Variants in MTA3 observed in about 807,000 individuals in gnomAD.
The protein encoded by MTA3 is metastasis associated 1 family member 3.
A neutral mutation model predicts 83.5 loss-of-function variants in MTA3; 34 were observed. The observed-to-expected ratio is 0.41, with a 90% CI of 0.31 to 0.54. The LOEUF (loss-of-function observed/expected upper bound fraction) is 0.54. Among genes scored for constraint, MTA3 ranks in the 20% least tolerant of loss-of-function variants. The pLI, the probability that MTA3 is intolerant of heterozygous loss-of-function variation, is 0.33. For missense variants in MTA3, 761 were observed against 726.4 expected, an observed-to-expected ratio of 1.05 and a Z score of -0.55; for synonymous variants, 303 against 252.7, an observed-to-expected ratio of 1.20 and a Z score of -1.89.
chr2:42,734,671 GTGTTA>G (rs1189363286), intron 16 of MTA3, among the ~76,000 whole-genome samples: 1 of 151,568 alleles, frequency 6.6e-6, no homozygotes, highest in Non-Finnish European at 1.5e-5. Flanking sequence ...ATTTTCTCTG[GTGTTA>G]TGTTTTAATT....
chr2:42,750,878 A>G (rs1669824680), intron 16 of MTA3, among the ~76,000 whole-genome samples: 1 of 152,218 alleles, frequency 6.6e-6, no homozygotes, highest in Non-Finnish European at 1.5e-5. Flanking sequence ...CTTGGGATCC[A>G]GCTGCTTCTC....
At chr2:42,684,501 A>G (rs928833931) in intron 9 of MTA3, among the ~76,000 whole-genome samples, 4 of 152,212 alleles carry the variant, frequency 2.6e-5, no homozygotes, top group African/African-American at 9.6e-5. Context: ...GCAGCTGAAA[A>G]TTTAAAGTGC....
At chr2:42,552,303 A>G (rs1383824531) in intron 2 of MTA3, among the ~76,000 whole-genome samples, 1 of 152,196 alleles carries the variant, frequency 6.6e-6, no homozygotes, top group African/African-American at 2.4e-5. Context: ...AGAGGTATGA[A>G]TCAGATGGGA....
intron 3 of MTA3, among the ~76,000 whole-genome samples, chr2:42,606,108 G>A (rs1408324044): frequency 3.7e-5 from 5 of 136,446 alleles, no homozygotes; most frequent in Admixed American, 7.0e-5. Context: ...GTGGCTGGCC[G>A]GGCTGAGGGG....
intron 16 of MTA3, among the ~76,000 whole-genome samples, chr2:42,733,079 G>A (rs921173234): frequency 2.0e-5 from 3 of 152,176 alleles, no homozygotes; most frequent in South Asian, 2.1e-4. Flanking sequence ...TTACAAAGTC[G>A]CTTCCACATT....
At chr2:42,752,241 C>G (rs1189456960) in intron 16 of MTA3, 2 of 471,446 alleles carry the variant, frequency 4.2e-6, no homozygotes, top group East Asian at 1.4e-4. Flanking sequence ...TAGAAAAGCT[C>G]ATGAAGTGAA....
chr2:42,562,103 C>T (rs2103802228), intron 2 of MTA3, among the ~76,000 whole-genome samples: 1 of 152,294 alleles, frequency 6.6e-6, no homozygotes, highest in African/African-American at 2.4e-5. Context: ...CTCTGCGTCT[C>T]CCTTCACAGG....
At chr2:42,573,517 T>G (rs1678711751) in intron 2 of MTA3, among the ~76,000 whole-genome samples, 1 of 152,096 alleles carries the variant, frequency 6.6e-6, no homozygotes, top group Non-Finnish European at 1.5e-5. Context: ...TGGCTAATTT[T>G]TTGTTGTTGT....
chr2:42,756,809 C>G lies in MTA3; in HGVS notation c.*3410C>G. ...CCCTGCCAGGGAAGCTAACCCAGAG[C>G]ACGCACCTGTGCTCATGAGTGTTTC... is the stretch of plus-strand genomic sequence containing the variant. On this transcript the variant is annotated 3_prime_UTR_variant, in exon 17 of 17. Coordinates refer to ENST00000405094, the MANE Select transcript of MTA3 (RefSeq NM_001330442.2). 1.0e-6 allele frequency: 1 copy of G among 985,476 alleles called. No individual in the cohort carries two copies. The highest frequency in any genetic ancestry group is 1.7e-5 in the African/African-American group (1 of 57,350). The allele number at this position is 985,476 out of a possible 1,614,324, so 61.0% of individuals were successfully genotyped here. A position where few individuals can be genotyped will look rare whatever the true frequency, so the allele number is the denominator to read the frequency against.
intron 14 of MTA3, chr2:42,712,696 T>C (rs193141303): frequency 8.5e-5 from 13 of 152,294 alleles, no homozygotes; most frequent in Admixed American, 3.3e-4. Context: ...TTCTTAAGAT[T>C]TGTGGCCCAA....
At chr2:42,652,706 T>C (rs1180672367) in intron 6 of MTA3, among the ~76,000 whole-genome samples, 3 of 152,204 alleles carry the variant, frequency 2.0e-5, no homozygotes, top group African/African-American at 7.2e-5. Flanking sequence ...AATTTCTTTA[T>C]ATAAAATCTC....
chr2:42,623,688 G>A (rs970737606), intron 4 of MTA3, among the ~76,000 whole-genome samples: 13 of 148,140 alleles, frequency 8.8e-5, no homozygotes, highest in South Asian at 8.5e-4. Flanking sequence ...TTTCATCTTG[G>A]TAGTTCAGAT....
chr2:42,496,346 T>C (rs1674135252), intron 2 of MTA3, among the ~76,000 whole-genome samples: 1 of 152,166 alleles, frequency 6.6e-6, no homozygotes, highest in African/African-American at 2.4e-5. Context: ...AATACCCAAA[T>C]CGTTTTCTTA....
intron 3 of MTA3, among the ~76,000 whole-genome samples, chr2:42,601,122 G>A (rs1361187924): frequency 1.3e-5 from 2 of 151,872 alleles, no homozygotes; most frequent in African/African-American, 4.8e-5. Flanking sequence ...GTCCAGGATG[G>A]TCTCCATCTC....
intron 4 of MTA3, among the ~76,000 whole-genome samples, chr2:42,630,200 A>G (rs967108391): frequency 2.0e-5 from 3 of 152,222 alleles, no homozygotes; most frequent in African/African-American, 4.8e-5. Flanking sequence ...TTTCGTCAGT[A>G]TCTTGTGCTA....
At chr2:42,554,884 C>G (rs74761184) in intron 2 of MTA3, among the ~76,000 whole-genome samples, 2,096 of 152,226 alleles carry the variant, frequency 0.014, 48 homozygotes, top group African/African-American at 0.047. Flanking sequence ...ACCCTTCTTC[C>G]AGCTGATTAA....
intron 14 of MTA3, among the ~76,000 whole-genome samples, chr2:42,711,815 T>TGTGTGTGTGTGTGTGTGTGTGTGTG (rs1558610257): frequency 6.6e-6 from 1 of 151,498 alleles, no homozygotes; most frequent in Non-Finnish European, 1.5e-5. Context: ...TGTGTGTGTG[T>TGTGTGTGTGTGTGTGTGTGTGTGTG]TTTCCAGTAA....
chr2:42,704,163 T>C, intron 11 of MTA3, 31 bp from the exon 12 acceptor site: 1 of 1,606,880 alleles, frequency 6.2e-7, no homozygotes, highest in South Asian at 1.1e-5. Flanking sequence ...GTACAAATCA[T>C]TTTATCACCT....
In MTA3 at chr2:42,745,824, C is replaced by CTTTTTT. The variant is rs146921280; in HGVS notation, c.1760-7547_1760-7542dup. On this transcript the variant is annotated intron_variant, in intron 16 of 16. Coordinates refer to ENST00000405094, the MANE Select transcript of MTA3 (RefSeq NM_001330442.2). The stretch of plus-strand genomic sequence containing the variant: ...TTTTATGTCCTTTTGAAATAGTCCT[C>CTTTTTT]TTTTTTTTGAGACAGAGTCTCGCTC... 3.7e-3 allele frequency among the ~76,000 whole-genome samples: 436 copies of CTTTTTT among 119,436 alleles called. 32 individuals are homozygous for CTTTTTT. Among genetic ancestry groups the CTTTTTT allele is most frequent in the African/African-American group, 0.014 (419 of 31,020 alleles). The allele number at this position is 119,436 out of a possible 152,430, so 78.4% of individuals were successfully genotyped here.
Sources: gnomAD v4.1 joint callset for allele counts (sites outside exome capture counted in the v4.1 genomes callset) on GRCh38, gnomAD v4.1.1 for gene constraint, MANE v1.5 for transcripts, NCBI Gene and HGNC (gene_info 2026-07-23, HGNC 2026-07-21) for gene names.